TEKT5: variants seen among roughly 807,000 people sequenced by gnomAD.
The protein encoded by TEKT5 is tektin-5.
In TEKT5, 52 loss-of-function variants were observed where a neutral mutation model predicts 48.7. The observed-to-expected ratio is 1.07, with a 90% CI of 0.86 to 1.35. The LOEUF (loss-of-function observed/expected upper bound fraction) is 1.35. Among genes scored for constraint, TEKT5 ranks in the 40% most tolerant of loss-of-function variants. TEKT5 has a pLI of 0.00. For missense variants in TEKT5, 831 were observed against 641.6 expected, an observed-to-expected ratio of 1.30 and a Z score of -3.19; for synonymous variants, 318 against 267.6, an observed-to-expected ratio of 1.19 and a Z score of -1.84.
intron 4 of TEKT5, among the ~76,000 whole-genome samples, chr16:10,679,435 G>A (rs1220858381): frequency 6.8e-6 from 1 of 147,584 alleles, no homozygotes; most frequent in Non-Finnish European, 1.5e-5. Context: ...CTGGCCTGGT[G>A]ACAGAGCGAG....
intron 3 of TEKT5, among the ~76,000 whole-genome samples, chr16:10,687,572 G>A (rs2142313621): frequency 6.6e-6 from 1 of 152,312 alleles, no homozygotes; most frequent in East Asian, 1.9e-4. Context: ...GGCCAACATG[G>A]CAAAACACTG....
chr16:10,630,810 G>C lies in TEKT5; in HGVS notation c.1242-3011C>G, dbSNP rs1419784631. Among the ~76,000 whole-genome samples, 4 of 152,062 alleles carry C rather than the reference G, an allele frequency of 2.6e-5. 1 individual carries two copies. The highest frequency in any genetic ancestry group is 4.4e-5 in the Non-Finnish European group (3 of 68,018). ...GAGGCGGGCAGATCACTTGAGGTCA[G>C]GGGTTCGAGACCAGCCTGGTCAACA... On this transcript the variant is annotated intron_variant, in intron 6 of 6. Transcript: ENST00000283025.
intron 5 of TEKT5, among the ~76,000 whole-genome samples, chr16:10,636,723 G>A (rs1184718421): frequency 6.8e-6 from 1 of 147,700 alleles, no homozygotes; most frequent in Non-Finnish European, 1.5e-5. Flanking sequence ...GTGTGTGTGT[G>A]TGTATTCAAA....
intron 5 of TEKT5, among the ~76,000 whole-genome samples, chr16:10,660,410 A>AG (rs1438572739): frequency 6.6e-6 from 1 of 151,334 alleles, no homozygotes; most frequent in Non-Finnish European, 1.5e-5. Context: ...AATTCTGTGC[A>AG]GGGTGTCCTG....
At chr16:10,634,082 G>T (rs1353322196) in intron 6 of TEKT5, among the ~76,000 whole-genome samples, 1 of 152,152 alleles carries the variant, frequency 6.6e-6, no homozygotes, top group East Asian at 1.9e-4. Context: ...TCCATCGCTG[G>T]ACCAAGACCT....
At chr16:10,642,496 C>T (rs948516275) in intron 5 of TEKT5, among the ~76,000 whole-genome samples, 5 of 152,136 alleles carry the variant, frequency 3.3e-5, no homozygotes, top group Non-Finnish European at 5.9e-5. Context: ...CTCCTGCCCA[C>T]GTTTCTCCCC....
intron 5 of TEKT5, among the ~76,000 whole-genome samples, chr16:10,654,547 G>C (rs1248227993): frequency 6.6e-6 from 1 of 152,122 alleles, no homozygotes; most frequent in Non-Finnish European, 1.5e-5. Flanking sequence ...AACCCACTGA[G>C]GGTCCGAACA....
chr16:10,632,218 T>A (rs1897849435), intron 6 of TEKT5, among the ~76,000 whole-genome samples: 1 of 152,218 alleles, frequency 6.6e-6, no homozygotes, highest in South Asian at 2.1e-4. Flanking sequence ...CCTAGCCACA[T>A]GTGGATACTG....
intron 5 of TEKT5, among the ~76,000 whole-genome samples, chr16:10,658,850 T>A (rs952273458): frequency 2.0e-5 from 3 of 152,112 alleles, no homozygotes; most frequent in African/African-American, 7.2e-5. Flanking sequence ...CCTGAGTACC[T>A]GGGATTACAG....
At chr16:10,669,996 G>T (rs1221222841) in intron 5 of TEKT5, among the ~76,000 whole-genome samples, 6 of 152,176 alleles carry the variant, frequency 3.9e-5, no homozygotes, top group Non-Finnish European at 7.3e-5. Context: ...CTTGGGGTGT[G>T]GCCGAGGTGA....
At chr16:10,687,582 G>A (rs1432159151) in intron 3 of TEKT5, among the ~76,000 whole-genome samples, 3 of 152,196 alleles carry the variant, frequency 2.0e-5, no homozygotes, top group Non-Finnish European at 4.4e-5. Context: ...GCAAAACACT[G>A]TCTCTACTAA....
chr16:10,636,012 C>G, intron 5 of TEKT5, 94 bp from the exon 6 acceptor site: 3 of 1,541,920 alleles, frequency 1.9e-6, no homozygotes, highest in Middle Eastern at 2.0e-4. Context: ...AGGTCAGCCT[C>G]CAGCCAGGCA....
chr16:10,682,108 C>G lies in TEKT5; in HGVS notation c.748G>C (p.Glu250Gln). The change falls in exon 4 of 7, where the codon GAG becomes CAG. Residue 250 changes from glutamate (E) to glutamine (Q), a missense_variant. Glu to Gln is a conservative substitution (Grantham distance 29). Coordinates refer to ENST00000283025, the MANE Select transcript of TEKT5 (RefSeq NM_144674.2). ...RDNRDAQHVL[E>Q]RDLEDKSSAQ... ...GAGCTTTTGTCTTCGAGGTCCCTCTCCAGCACGTGCTGAGCATCCCGGTTA... is the reference window on the plus strand; with the variant it reads ...GAGCTTTTGTCTTCGAGGTCCCTCTGCAGCACGTGCTGAGCATCCCGGTTA... 1 of 1,614,146 alleles carries G rather than the reference C, an allele frequency of 6.2e-7. No homozygotes were observed.
rs2142303069 is a variant in TEKT5, at chr16:10,677,353, T to TA, written c.864-1173dup. Reference sequence around the variant, plus strand: ...TGCTGAATGTGATGGCTCATGGCTGTAATCCCAGCACTTTGGGAGCCCGAG... The same window carrying TA: ...TGCTGAATGTGATGGCTCATGGCTGTAAATCCCAGCACTTTGGGAGCCCGAG... On this transcript the variant is annotated intron_variant, in intron 4 of 6. Coordinates refer to ENST00000283025, the MANE Select transcript of TEKT5 (RefSeq NM_144674.2). Among the ~76,000 whole-genome samples the TA allele has an allele frequency of 1.4e-5, 2 of 147,666 alleles. 1 individual carries two copies. The highest frequency in any genetic ancestry group is 5.3e-5 in the African/African-American group (2 of 37,780).
intron 1 of TEKT5, among the ~76,000 whole-genome samples, chr16:10,692,333 T>C (rs1192444259): frequency 6.6e-6 from 1 of 152,132 alleles, no homozygotes; most frequent in Non-Finnish European, 1.5e-5. Context: ...CTGCATTCCA[T>C]GGATTTGGAC....
intron 6 of TEKT5, among the ~76,000 whole-genome samples, chr16:10,629,029 C>T (rs1166084830): frequency 6.6e-6 from 1 of 151,884 alleles, no homozygotes; most frequent in Non-Finnish European, 1.5e-5. Flanking sequence ...ACTGCATGCA[C>T]AGGAAATGTC....
chr16:10,653,432 T>G (rs1472465362), intron 5 of TEKT5, among the ~76,000 whole-genome samples: 2 of 152,222 alleles, frequency 1.3e-5, no homozygotes, highest in African/African-American at 4.8e-5. Context: ...ACAGGTTACT[T>G]CACCTTCCTG....
intron 5 of TEKT5, among the ~76,000 whole-genome samples, chr16:10,638,175 AG>A (rs1202398152): frequency 2.0e-5 from 3 of 152,252 alleles, no homozygotes; most frequent in African/African-American, 7.2e-5. Flanking sequence ...AAAAAATAAA[AG>A]AACGAGAGAA....
intron 6 of TEKT5, among the ~76,000 whole-genome samples, chr16:10,633,247 G>C (rs1314709280): frequency 1.3e-5 from 2 of 152,132 alleles, no homozygotes; most frequent in East Asian, 3.9e-4. Flanking sequence ...TGTAATCCCA[G>C]CTACTCGGGA....
Sources: gnomAD v4.1 joint callset for allele counts (sites outside exome capture counted in the v4.1 genomes callset) on GRCh38, gnomAD v4.1.1 for gene constraint, MANE v1.5 for transcripts, NCBI Gene and HGNC (gene_info 2026-07-23, HGNC 2026-07-21) for gene names.